KCTD8: variants seen among roughly 807,000 people sequenced by gnomAD.
KCTD8 encodes potassium channel tetramerization domain containing 8, also known as BTB/POZ domain-containing protein KCTD8.
A neutral mutation model predicts 31.5 loss-of-function variants in KCTD8; 27 were observed. The ratio of observed to expected loss-of-function variants is 0.86; its 90% CI spans 0.63 to 1.18. The LOEUF (loss-of-function observed/expected upper bound fraction) is 1.18, where lower values mean the gene tolerates loss of function less well. Among genes scored for constraint, KCTD8 ranks in the 50% most tolerant of loss-of-function variants. KCTD8 has a pLI of 0.00. For synonymous variants in KCTD8, 290 were observed against 280.0 expected (o/e 1.04, Z -0.36); for missense variants, 658 against 647.7 (o/e 1.02, Z -0.17).
intron 1 of KCTD8, among the ~76,000 whole-genome samples, chr4:44,245,289 A>G (rs529991078): frequency 1.3e-5 from 2 of 151,948 alleles, no homozygotes; most frequent in Non-Finnish European, 2.9e-5. Context: ...AATATATAAA[A>G]TATTAGCCAG....
chr4:44,184,901 A>T (rs1273999363), intron 1 of KCTD8, among the ~76,000 whole-genome samples: 2 of 152,136 alleles, frequency 1.3e-5, no homozygotes, highest in Non-Finnish European at 2.9e-5. Context: ...GAGGGCTTAG[A>T]TGGCATGTAT....
intron 1 of KCTD8, among the ~76,000 whole-genome samples, chr4:44,338,321 C>A (rs1407254428): frequency 2.0e-5 from 3 of 151,870 alleles, no homozygotes; most frequent in Non-Finnish European, 4.4e-5. Flanking sequence ...TTGTAAAATC[C>A]ATAATCCAGG....
intron 1 of KCTD8, among the ~76,000 whole-genome samples, chr4:44,246,486 T>A (rs1281950703): frequency 6.6e-6 from 1 of 152,018 alleles, no homozygotes; most frequent in African/African-American, 2.4e-5. Flanking sequence ...CCTACAAATA[T>A]CCTCTTTCAA....
Position 44,448,213 on chromosome 4 carries a change from A to C in KCTD8, c.311T>G (p.Phe104Cys). The change falls in exon 1 of 2, where the codon TTC becomes TGC. Residue 104 changes from phenylalanine to cysteine, a missense_variant. By Grantham distance (205) the Phe-to-Cys change is radical. Coordinates refer to ENST00000360029, the MANE Select transcript of KCTD8 (RefSeq NM_198353.3). The surrounding 1 kb of genome is among the most constrained non-coding windows in gnomAD (Gnocchi z 4.1). Reference protein sequence around the residue: ...RARFFIDRDGFLFRYVLDYLR... With the variant: ...RARFFIDRDGCLFRYVLDYLR... The stretch of plus-strand genomic sequence containing the variant: ...ATAATCCAGCACGTACCTGAAAAGG[A>C]AGCCGTCCCGGTCGATGAAGAAGCG... 1 of 1,612,206 alleles carries C rather than the reference A, an allele frequency of 6.2e-7. No homozygotes were observed. Among genetic ancestry groups the C allele is most frequent in the Non-Finnish European group, 8.5e-7 (1 of 1,179,642 alleles).
intron 1 of KCTD8, among the ~76,000 whole-genome samples, chr4:44,362,310 T>C (rs910577862): frequency 6.6e-6 from 1 of 152,182 alleles, no homozygotes; most frequent in East Asian, 1.9e-4. Flanking sequence ...ATAAAGAGAA[T>C]ATGCATTATT....
At chr4:44,205,827 C>T (rs1400170599) in intron 1 of KCTD8, among the ~76,000 whole-genome samples, 1 of 152,152 alleles carries the variant, frequency 6.6e-6, no homozygotes, top group Non-Finnish European at 1.5e-5. Flanking sequence ...TTTGTTATCA[C>T]TGTTTGCAGA....
chr4:44,243,747 A>G (rs1391120384), intron 1 of KCTD8, among the ~76,000 whole-genome samples: 1 of 152,272 alleles, frequency 6.6e-6, no homozygotes, highest in Non-Finnish European at 1.5e-5. Flanking sequence ...AAAGCCAGAC[A>G]GCTGCCTTGT....
chr4:44,302,541 ATGCT>A (rs1212823447), intron 1 of KCTD8, among the ~76,000 whole-genome samples: 9 of 152,014 alleles, frequency 5.9e-5, no homozygotes, highest in African/African-American at 1.9e-4. Flanking sequence ...GTGTATAAGA[ATGCT>A]TGTGATTTTT....
At chr4:44,440,159 C>G (rs1721782905) in intron 1 of KCTD8, among the ~76,000 whole-genome samples, 1 of 152,004 alleles carries the variant, frequency 6.6e-6, no homozygotes, top group South Asian at 2.1e-4. Context: ...TCTTGAACTC[C>G]TGACCTCAGG....
intron 1 of KCTD8, among the ~76,000 whole-genome samples, chr4:44,178,436 T>C (rs1171293845): frequency 6.6e-6 from 1 of 152,088 alleles, no homozygotes; most frequent in African/African-American, 2.4e-5. Context: ...AAGCATGAAA[T>C]TCAACACCCT....
At position 44,232,809 on chromosome 4, in the gene KCTD8, A is replaced by G. The variant is rs181188319; in HGVS notation, c.962-57559T>C. 1.1e-4 allele frequency among the ~76,000 whole-genome samples: 16 copies of G among 152,082 alleles called. No individual in the cohort carries two copies. In the East Asian group the frequency reaches 2.9e-3, roughly 28 times the overall value. ...ATAAGTACATTACAATATTATTTAT[A>G]CTTATTTTAAATTAATTATTTAAAT... On this transcript the variant is annotated intron_variant, in intron 1 of 1. Transcript: ENST00000360029.
intron 1 of KCTD8, among the ~76,000 whole-genome samples, chr4:44,334,514 G>A (rs1407315646): frequency 6.6e-6 from 1 of 151,738 alleles, no homozygotes; most frequent in Non-Finnish European, 1.5e-5. Flanking sequence ...TACTAACAAG[G>A]GTATTCATCA....
chr4:44,238,217 C>A (rs1346409372), intron 1 of KCTD8, among the ~76,000 whole-genome samples: 1 of 152,018 alleles, frequency 6.6e-6, no homozygotes, highest in Non-Finnish European at 1.5e-5. Context: ...TAGTCAACTG[C>A]TACTCATGAG....
At chr4:44,409,699 G>GA (rs75844526) in intron 1 of KCTD8, among the ~76,000 whole-genome samples, 1,993 of 148,822 alleles carry the variant, frequency 0.013, 40 homozygotes, top group African/African-American at 0.044. Flanking sequence ...AGAATCTGCA[G>GA]AAAAAAAAAG....
intron 1 of KCTD8, among the ~76,000 whole-genome samples, chr4:44,342,389 A>G (rs955153472): frequency 4.7e-5 from 7 of 149,696 alleles, no homozygotes; most frequent in Admixed American, 1.3e-4. Context: ...AAAAAAAAAG[A>G]AAGGAATATG....
chr4:44,415,885 A>T (rs1452167570), intron 1 of KCTD8, among the ~76,000 whole-genome samples: 1 of 152,210 alleles, frequency 6.6e-6, no homozygotes, highest in Non-Finnish European at 1.5e-5. Context: ...GGACCCACAG[A>T]GTCCCCACCA....
At chr4:44,381,290 A>G (rs965329177) in intron 1 of KCTD8, among the ~76,000 whole-genome samples, 4 of 152,120 alleles carry the variant, frequency 2.6e-5, no homozygotes, top group African/African-American at 9.7e-5. Flanking sequence ...CCTAGAATTA[A>G]TAGATGAACT....
chr4:44,327,334 C>T (rs956256081), intron 1 of KCTD8, among the ~76,000 whole-genome samples: 1 of 151,650 alleles, frequency 6.6e-6, no homozygotes, highest in South Asian at 2.1e-4. Flanking sequence ...ACTTTTTTAC[C>T]CCCAGGTAAG....
At chr4:44,255,375 C>T (rs1715961919) in intron 1 of KCTD8, among the ~76,000 whole-genome samples, 1 of 151,810 alleles carries the variant, frequency 6.6e-6, no homozygotes, top group Admixed American at 6.6e-5. Flanking sequence ...TTTTCATTCT[C>T]TTGTTTCTGA....
Sources: gnomAD v4.1 joint callset for allele counts (sites outside exome capture counted in the v4.1 genomes callset) on GRCh38, gnomAD v4.1.1 for gene constraint, Gnocchi (gnomAD v3.1) non-coding constraint, MANE v1.5 for transcripts, NCBI Gene and HGNC (gene_info 2026-07-23, HGNC 2026-07-21) for gene names.